Variants in SFTPB observed in about 807,000 individuals in gnomAD.
SFTPB encodes pulmonary surfactant-associated protein B.
In SFTPB, 32 loss-of-function variants were observed where a neutral mutation model predicts 51.0. That is an observed-to-expected ratio of 0.63 (90% confidence interval 0.47 to 0.84). The LOEUF (loss-of-function observed/expected upper bound fraction) is 0.84, where lower values mean the gene tolerates loss of function less well. SFTPB is among the 40% of genes least tolerant of loss of function. The pLI, the probability that SFTPB is intolerant of heterozygous loss-of-function variation, is 0.00. For missense variants in SFTPB, 431 were observed against 491.2 expected (o/e 0.88, Z 1.16); for synonymous variants, 211 against 208.5 (o/e 1.01, Z -0.10).
At chr2:85,666,519 G>A (rs944122367) in intron 4 of SFTPB, 98 bp downstream of exon 4, 5 of 1,193,512 alleles carry the variant, frequency 4.2e-6, no homozygotes, top group South Asian at 1.3e-5. Context: ...GTGTGTGTGT[G>A]TGTCTGGCTG....
chr2:85,665,746 G>A lies in SFTPB; in HGVS notation c.442C>T (p.Pro148Ser). 6.2e-7 allele frequency: 1 copy of A among 1,614,224 alleles called. No individual in the cohort carries two copies. The highest frequency in any genetic ancestry group is 8.5e-7 in the Non-Finnish European group (1 of 1,180,040). Reference protein sequence around the residue: ...MHLGLCKSRQPEPEQEPGMSD... With the variant: ...MHLGLCKSRQSEPEQEPGMSD... Reference sequence around the variant, plus strand: ...ATCCCTGGCTCCTGCTCTGGCTCTGGCTGCCGGGATTTGCACAGGCCCAGG... The same window carrying A: ...ATCCCTGGCTCCTGCTCTGGCTCTGACTGCCGGGATTTGCACAGGCCCAGG... Residue 148 changes from proline (P) to serine (S), a missense_variant, in exon 5 of 11, where the codon CCA (proline) becomes TCA (serine). Pro to Ser is a moderately conservative substitution (Grantham distance 74). Coordinates refer to ENST00000519937, the MANE Select transcript of SFTPB (RefSeq NM_000542.5).
chr2:85,667,217 G>T lies in SFTPB; in HGVS notation c.196-40C>A, dbSNP rs531198352. On this transcript the variant is annotated intron_variant, in intron 2 of 10. Coordinates refer to ENST00000519937, the MANE Select transcript of SFTPB (RefSeq NM_000542.5). ...GCCCCAAGGTGGAGGACACATGAGT[G>T]GGGGAGGCTCCCAGCTCCAATGGGG... is the stretch of plus-strand genomic sequence containing the variant. The T allele has an allele frequency of 1.3e-4, 187 of 1,470,558 alleles. 1 individual carries two copies. In the South Asian group the frequency reaches 2.0e-3, roughly 16 times the overall value. The allele number at this position is 1,470,558 out of a possible 1,614,324, so 91.1% of individuals were successfully genotyped here.
Position 85,663,657 on chromosome 2 carries a change from G to A in SFTPB, c.856+7C>T, listed in dbSNP as rs765331479. 1 of 1,609,676 alleles carries A rather than the reference G, an allele frequency of 6.2e-7. No homozygotes were observed. Among genetic ancestry groups the A allele is most frequent in the Admixed American group, 1.7e-5 (1 of 59,312 alleles). On this transcript the variant is annotated splice_region_variant and intron_variant, in intron 7 of 10. Transcript: ENST00000519937. Reference sequence around the variant, plus strand: ...GCATTGGGCTAAGGAGTGGGCAGTGGGCTCACTTGGGCCAGCGCTGTCATC... The same window carrying A: ...GCATTGGGCTAAGGAGTGGGCAGTGAGCTCACTTGGGCCAGCGCTGTCATC...
chr2:85,665,628 G>T lies in SFTPB; in HGVS notation c.560C>A (p.Ala187Glu). ...CACCTGTGTGTGAGGCCCAGGCCTC[G>T]CCTGGAGGGCCCCGGGCAGCACAGG... ...VLPVLPGALQ[A>E]RPGPHTQDLS... The change falls in exon 5 of 11, where the codon GCG becomes GAG. Residue 187 changes from alanine (A) to glutamate (E), a missense_variant. Physicochemically the swap from Ala to Glu is moderately radical, Grantham distance 107. Coordinates refer to ENST00000519937, the MANE Select transcript of SFTPB (RefSeq NM_000542.5). The T allele has an allele frequency of 1.9e-6, 3 of 1,613,914 alleles. No homozygotes were observed. Among genetic ancestry groups the T allele is most frequent in the Non-Finnish European group, 2.5e-6 (3 of 1,180,020 alleles).
Position 85,665,391 on chromosome 2 carries a change from T to A in SFTPB, c.583-13A>T, listed in dbSNP as rs1289292347. The A allele has an allele frequency of 1.9e-6, 3 of 1,609,682 alleles. No individual in the cohort carries two copies. Among genetic ancestry groups the A allele is most frequent in the Non-Finnish European group, 1.7e-6 (2 of 1,176,114 alleles). Reference sequence around the variant, plus strand: ...GCTCGGAGAGATCCTGGGGAAAGAATCAGGTGGAGGCCAGGCTGGGTGCTG... The same window carrying A: ...GCTCGGAGAGATCCTGGGGAAAGAAACAGGTGGAGGCCAGGCTGGGTGCTG... On this transcript the variant is annotated splice_polypyrimidine_tract_variant and intron_variant, in intron 5 of 10. Coordinates refer to ENST00000519937, the MANE Select transcript of SFTPB (RefSeq NM_000542.5).
chr2:85,668,092 A>T (rs1488077357), intron 1 of SFTPB, 25 bp downstream of exon 1: 1 of 1,526,814 alleles, frequency 6.5e-7, no homozygotes, highest in Non-Finnish European at 8.9e-7. Context: ...GCTGCCTAGG[A>T]GAGGGGAGGC....
chr2:85,666,493 C>CTGTGTGTGTGTGTGTGTGTG lies in SFTPB; in HGVS notation c.393+104_393+123dup. The stretch of plus-strand genomic sequence containing the variant: ...TGTTTGTGTCTGGCCGGCTTGGGTG[C>CTGTGTGTGTGTGTGTGTGTG]TGTGTGTGTGTGTGTGTGTGTGTGT... On this transcript the variant is annotated intron_variant, in intron 4 of 10. Transcript: ENST00000519937. 4 of 739,046 alleles carry CTGTGTGTGTGTGTGTGTGTG rather than the reference C, an allele frequency of 5.4e-6. No individual in the cohort carries two copies. In the South Asian group the frequency reaches 6.9e-5, roughly 13 times the overall value. The allele number at this position is 739,046 out of a possible 1,614,324, so 45.8% of individuals were successfully genotyped here.
At chr2:85,666,971 G>A in intron 3 of SFTPB, 135 bp downstream of exon 3, 1 of 952,420 alleles carries the variant, frequency 1.0e-6, no homozygotes, top group Non-Finnish European at 1.7e-6. Context: ...TCCCAGCCAG[G>A]AGGAGCTGGG....
At position 85,660,274 on chromosome 2, in the gene SFTPB, A is replaced by G. The variant is rs1345186236; in HGVS notation, c.*20-592T>C. The stretch of plus-strand genomic sequence containing the variant: ...GTAGCTGGGATTACAGGTGTGTGCC[A>G]CCACATCTGGCTAATTTTTTTTTTT... On this transcript the variant is annotated intron_variant, in intron 10 of 10. Coordinates refer to ENST00000519937, the MANE Select transcript of SFTPB (RefSeq NM_000542.5). Among the ~76,000 whole-genome samples, 16 of 139,086 alleles carry G rather than the reference A, an allele frequency of 1.2e-4. No individual in the cohort carries two copies. In the Admixed American group the frequency reaches 1.2e-3, roughly 10 times the overall value. The allele number at this position is 139,086 out of a possible 152,430, so 91.2% of individuals were successfully genotyped here. A position where few individuals can be genotyped will look rare whatever the true frequency, so the allele number is the denominator to read the frequency against.
chr2:85,667,237 A>T (rs1335534125), intron 2 of SFTPB, 60 bp from the exon 3 acceptor site: 1 of 1,280,076 alleles, frequency 7.8e-7, no homozygotes, highest in East Asian at 2.3e-5. Context: ...CCCAGCTCCA[A>T]TGGGGAGGTT....
intron 4 of SFTPB, 92 bp downstream of exon 4, chr2:85,666,525 G>C: frequency 1.6e-6 from 2 of 1,229,398 alleles, no homozygotes; most frequent in Non-Finnish European, 2.3e-6. Flanking sequence ...GTGTGTGTCT[G>C]GCTGGCTGGG....
chr2:85,666,229 G>C (rs1390019108), intron 4 of SFTPB, among the ~76,000 whole-genome samples: 2 of 145,560 alleles, frequency 1.4e-5, no homozygotes, highest in African/African-American at 5.0e-5. Flanking sequence ...GTGTGTGTGT[G>C]TGTGTGTGTG....
intron 4 of SFTPB, 85 bp downstream of exon 4, chr2:85,666,532 T>TG (rs1677646805): frequency 1.4e-5 from 19 of 1,405,442 alleles, no homozygotes; most frequent in Non-Finnish European, 1.9e-5. Context: ...TCTGGCTGGC[T>TG]GGGGTGCTGT....
intron 4 of SFTPB, among the ~76,000 whole-genome samples, chr2:85,666,338 T>G (rs1157143789): frequency 1.5e-5 from 2 of 137,230 alleles, no homozygotes; most frequent in South Asian, 4.5e-4. Context: ...ACTGTGTGTG[T>G]GTATGTGTCT....
chr2:85,661,205 G>A (rs1414420638), intron 10 of SFTPB: 1 of 416,146 alleles, frequency 2.4e-6, no homozygotes, highest in Non-Finnish European at 4.6e-6. Flanking sequence ...GGGGGGTTGG[G>A]GGGGAAGCTG....
intron 4 of SFTPB, among the ~76,000 whole-genome samples, chr2:85,666,217 G>GTGTGC (rs1429354535): frequency 1.3e-5 from 1 of 76,666 alleles, no homozygotes; most frequent in Non-Finnish European, 2.5e-5. Flanking sequence ...TGTGTGTGCT[G>GTGTGC]TGTGTGTGTG....
rs1438654530 is a variant in SFTPB at position 85,663,158 on chromosome 2, C to T, written c.1002+188G>A. Among the ~76,000 whole-genome samples the T allele has an allele frequency of 2.6e-5, 4 of 152,342 alleles. No individual in the cohort carries two copies. The East Asian group carries it at 5.8e-4, about 22-fold the overall frequency. Reference sequence around the variant, plus strand: ...GAGCCCACAGCCCTTTGTCCAGAGGCGACTCCTAACCTTTAGCAGGCTCTG... The same window carrying T: ...GAGCCCACAGCCCTTTGTCCAGAGGTGACTCCTAACCTTTAGCAGGCTCTG... On this transcript the variant is annotated intron_variant, in intron 8 of 10. Transcript: ENST00000519937.
Position 85,667,689 on chromosome 2 carries a change from T to C in SFTPB, c.185A>G (p.His62Arg), listed in dbSNP as rs1677723407. 1 of 1,614,132 alleles carries C rather than the reference T, an allele frequency of 6.2e-7. No individual in the cohort carries two copies. The highest frequency in any genetic ancestry group is 1.7e-5 in the Admixed American group (1 of 60,016). Residue 62 changes from histidine (H) to arginine (R), a missense_variant, in exon 2 of 11, where the codon CAT becomes CGT. His to Arg is a conservative substitution (Grantham distance 29). Coordinates refer to ENST00000519937, the MANE Select transcript of SFTPB (RefSeq NM_000542.5). The part of the protein sequence containing the change: ...LGHCLQEVWG[H>R]VGADDLCQEC... ...CTTGGTGGTACTCACGGCTCCCACA[T>C]GTCCCCAGACTTCCTGTAGGCAATG... is the stretch of plus-strand genomic sequence containing the variant.
At chr2:85,666,589 A>T in intron 4 of SFTPB, 28 bp downstream of exon 4, 2 of 1,610,594 alleles carry the variant, frequency 1.2e-6, no homozygotes, top group Non-Finnish European at 1.7e-6. Flanking sequence ...GTGGGGAGGC[A>T]GGCAGGAGGT....
Sources: allele counts gnomAD v4.1 joint callset (sites outside exome capture counted in the v4.1 genomes callset), GRCh38; gene constraint gnomAD v4.1.1; transcripts MANE v1.5; gene names NCBI Gene and HGNC (gene_info 2026-07-23, HGNC 2026-07-21).